ANGPT1: variants seen among roughly 807,000 people sequenced by gnomAD.
The protein encoded by ANGPT1 is angiopoietin 1.
Under a neutral mutation model 62.2 loss-of-function variants are expected in ANGPT1, and 17 were observed. The ratio of observed to expected loss-of-function variants is 0.27; its 90% CI spans 0.19 to 0.41. The LOEUF is 0.41. Among genes scored for constraint, ANGPT1 ranks in the 10% least tolerant of loss-of-function variants. The pLI is 1.00. For missense variants in ANGPT1, 478 were observed against 594.9 expected (o/e 0.80, Z 2.04); for synonymous variants, 199 against 198.9 (o/e 1.00, Z 0.00).
At chr8:107,398,500 AT>A (rs10556477) in intron 1 of ANGPT1, among the ~76,000 whole-genome samples, 226 of 132,750 alleles carry the variant, frequency 1.7e-3, no homozygotes, top group Middle Eastern at 4.4e-3. Flanking sequence ...TTTCTTTTCT[AT>A]TTTTTTTTTT....
intron 4 of ANGPT1, among the ~76,000 whole-genome samples, chr8:107,310,567 G>A (rs188317739): frequency 6.6e-6 from 1 of 152,342 alleles, no homozygotes; most frequent in Non-Finnish European, 1.5e-5. Context: ...TGGGAAAAGA[G>A]AGAGGAGGCA....
At chr8:107,274,600 A>G (rs551701715) in intron 7 of ANGPT1, among the ~76,000 whole-genome samples, 1 of 152,264 alleles carries the variant, frequency 6.6e-6, no homozygotes, top group Admixed American at 6.6e-5. Flanking sequence ...AAGCAACAAC[A>G]ATCCAGGGAA....
chr8:107,412,596 A>G (rs1351088074), intron 1 of ANGPT1, among the ~76,000 whole-genome samples: 1 of 152,194 alleles, frequency 6.6e-6, no homozygotes, highest in Non-Finnish European at 1.5e-5. Context: ...AAATGTGGTC[A>G]TTTATTTAAA....
chr8:107,306,744 A>G (rs1003793280), intron 4 of ANGPT1, among the ~76,000 whole-genome samples: 4 of 152,048 alleles, frequency 2.6e-5, no homozygotes, highest in African/African-American at 9.7e-5. Context: ...CGAGACAGAT[A>G]GATACAATAG....
intron 5 of ANGPT1, 74 bp from the exon 6 acceptor site, chr8:107,294,111 T>C (rs907788312): frequency 1.8e-5 from 23 of 1,256,648 alleles, no homozygotes; most frequent in Middle Eastern, 1.9e-4. Context: ...TGTTTCAAAA[T>C]AGGAATAAGG....
chr8:107,284,602 CT>C, intron 7 of ANGPT1, 79 bp downstream of exon 7: 5 of 1,225,288 alleles, frequency 4.1e-6, no homozygotes, highest in Admixed American at 2.9e-5. Flanking sequence ...ATTTTCATTT[CT>C]TTTTTTCATA....
In ANGPT1 at chr8:107,303,330, T is replaced by C. The variant is rs778015104; in HGVS notation, c.846A>G (p.Pro282=). 20 of 1,603,700 alleles carry C rather than the reference T, an allele frequency of 1.2e-5. No homozygotes were observed. Among genetic ancestry groups the C allele is most frequent in the East Asian group, 6.7e-5 (3 of 44,650 alleles). Residue 282 remains proline (P), a synonymous_variant, in exon 5 of 9, where the codon CCA becomes CCG. Transcript: ENST00000517746. Reference sequence around the variant, plus strand: ...GATATACATCTGCACAGTCTCTAAATGGTTTCTCTTCCTCTCTTTTTCCTC... The same window carrying C: ...GATATACATCTGCACAGTCTCTAAACGGTTTCTCTTCCTCTCTTTTTCCTC... The part of the protein sequence containing the change: ...LKGGKREEEK[P]FRDCADVYQA...
chr8:107,383,610 C>CT (rs1816680096), intron 1 of ANGPT1, among the ~76,000 whole-genome samples: 1 of 152,048 alleles, frequency 6.6e-6, no homozygotes. Flanking sequence ...CACACAACAC[C>CT]TTTTTAAAAA....
At chr8:107,353,147 C>G (rs983627659) in intron 1 of ANGPT1, among the ~76,000 whole-genome samples, 13 of 152,106 alleles carry the variant, frequency 8.5e-5, no homozygotes, top group African/African-American at 2.4e-5. Flanking sequence ...TCCCATTTCT[C>G]ATTTTGATAT....
chr8:107,477,176 AC>A (rs1435276531), intron 1 of ANGPT1, among the ~76,000 whole-genome samples: 1 of 152,092 alleles, frequency 6.6e-6, no homozygotes, highest in Non-Finnish European at 1.5e-5. Flanking sequence ...GAATTGCCTG[AC>A]CTATCACACC....
rs116204913 is a variant in ANGPT1 at position 107,359,105 on chromosome 8, T to C, written c.298-12008A>G. On this transcript the variant is annotated intron_variant, in intron 1 of 8. Transcript: ENST00000517746. ...TAAATCAATATTATGTTTTTGAGAC[T>C]TAGATATATTAACAGTATTGTTTTA... 3.8e-3 allele frequency among the ~76,000 whole-genome samples: 586 copies of C among 152,296 alleles called. 6 individuals carry two copies. The highest frequency in any genetic ancestry group is 0.014 in the African/African-American group (564 of 41,566).
At chr8:107,307,840 A>G (rs1281465087) in intron 4 of ANGPT1, among the ~76,000 whole-genome samples, 3 of 152,110 alleles carry the variant, frequency 2.0e-5, no homozygotes, top group South Asian at 2.1e-4. Context: ...TCAGATTCAT[A>G]TATCTACTTG....
chr8:107,391,883 A>C (rs1382303844), intron 1 of ANGPT1, among the ~76,000 whole-genome samples: 1 of 152,150 alleles, frequency 6.6e-6, no homozygotes, highest in Non-Finnish European at 1.5e-5. Flanking sequence ...AATGTAATGC[A>C]TTGCCCTATG....
intron 1 of ANGPT1, among the ~76,000 whole-genome samples, chr8:107,481,106 AAC>A (rs1203780075): frequency 6.6e-6 from 1 of 152,184 alleles, no homozygotes; most frequent in Non-Finnish European, 1.5e-5. Context: ...CCTTCTTCAC[AAC>A]CACAATGCTC....
At chr8:107,313,775 TTGAC>T (rs929495601) in intron 4 of ANGPT1, among the ~76,000 whole-genome samples, 2 of 152,194 alleles carry the variant, frequency 1.3e-5, no homozygotes, top group Admixed American at 6.5e-5. Flanking sequence ...TTCTTTGCAA[TTGAC>T]TTTTAGAAAA....
At chr8:107,374,134 T>C (rs1353155434) in intron 1 of ANGPT1, among the ~76,000 whole-genome samples, 1 of 152,174 alleles carries the variant, frequency 6.6e-6, no homozygotes, top group Non-Finnish European at 1.5e-5. Context: ...CATTTACTCA[T>C]AAAAAGGGCT....
At chr8:107,275,182 G>GA (rs1236116748) in intron 7 of ANGPT1, among the ~76,000 whole-genome samples, 1 of 152,048 alleles carries the variant, frequency 6.6e-6, no homozygotes, top group African/African-American at 2.4e-5. Context: ...TATTGAGTGT[G>GA]AAAAAATTGA....
intron 2 of ANGPT1, among the ~76,000 whole-genome samples, chr8:107,341,523 C>T (rs1347571033): frequency 1.3e-5 from 2 of 149,662 alleles, no homozygotes; most frequent in Non-Finnish European, 3.0e-5. Context: ...AATTATTGTT[C>T]ATCTTAGTTG....
chr8:107,302,027 T>C (rs893143459), intron 5 of ANGPT1, among the ~76,000 whole-genome samples: 3 of 151,960 alleles, frequency 2.0e-5, no homozygotes, highest in African/African-American at 7.2e-5. Flanking sequence ...TGATTTACTA[T>C]GCACTGCATG....
Sources: allele counts gnomAD v4.1 joint callset (sites outside exome capture counted in the v4.1 genomes callset), GRCh38; gene constraint gnomAD v4.1.1; transcripts MANE v1.5; gene names NCBI Gene and HGNC (gene_info 2026-07-23, HGNC 2026-07-21).